OPCML: variants seen among roughly 807,000 people sequenced by gnomAD.
The protein encoded by OPCML is opioid-binding protein/cell adhesion molecule.
A neutral mutation model predicts 37.8 loss-of-function variants in OPCML; 13 were observed. The observed-to-expected ratio is 0.34, with a 90% CI of 0.22 to 0.55. OPCML has a LOEUF of 0.55. Among genes scored for constraint, OPCML ranks in the 20% least tolerant of loss-of-function variants. OPCML has a pLI of 0.91. For synonymous variants in OPCML, 176 were observed against 168.8 expected (o/e 1.04, Z -0.33); for missense variants, 341 against 435.6 (o/e 0.78, Z 1.93).
intron 1 of OPCML, among the ~76,000 whole-genome samples, chr11:132,946,170 G>A (rs1406447913): frequency 6.6e-6 from 1 of 152,160 alleles, no homozygotes; most frequent in Non-Finnish European, 1.5e-5. Flanking sequence ...CAGTATCAGT[G>A]TCTTCTGCCT....
At position 133,146,752 on chromosome 11, in the gene OPCML, C is replaced by T. The variant is rs114102404; in HGVS notation, c.62-203742G>A. Among the ~76,000 whole-genome samples, 1,510 of 152,302 alleles carry T rather than the reference C, an allele frequency of 9.9e-3. 21 individuals are homozygous for T. Among genetic ancestry groups the T allele is most frequent in the African/African-American group, 0.033 (1,356 of 41,562 alleles). On this transcript the variant is annotated intron_variant, in intron 1 of 7. Transcript: ENST00000524381. ...CTGGGATTACAGGCATGAACCACCA[C>T]GCCGGGACCTCTATCTCCTATCCTC... is the stretch of plus-strand genomic sequence containing the variant.
At chr11:133,386,666 T>C (rs4245116) in intron 1 of OPCML, among the ~76,000 whole-genome samples, 74,655 of 152,108 alleles carry the variant, frequency 0.49, 19,092 homozygotes, top group East Asian at 0.74. Context: ...CTCTGCGATG[T>C]CCTCTTTTAA....
At chr11:132,884,919 A>G (rs1943353408) in intron 2 of OPCML, among the ~76,000 whole-genome samples, 1 of 152,216 alleles carries the variant, frequency 6.6e-6, no homozygotes, top group South Asian at 2.1e-4. Flanking sequence ...TAAAAGCCTT[A>G]GTTACATAGA....
At chr11:132,755,086 T>C (rs1441368794) in intron 2 of OPCML, among the ~76,000 whole-genome samples, 3 of 152,206 alleles carry the variant, frequency 2.0e-5, no homozygotes, top group Admixed American at 6.5e-5. Flanking sequence ...CAGTGTAAGA[T>C]TGAACCATAG....
At chr11:132,613,729 A>G (rs1938810158) in intron 3 of OPCML, among the ~76,000 whole-genome samples, 1 of 152,144 alleles carries the variant, frequency 6.6e-6, no homozygotes, top group South Asian at 2.1e-4. Flanking sequence ...ATATTTTTTT[A>G]CTTGAGAAAA....
In OPCML at chr11:133,177,598, C is replaced by T. The variant is rs1290919812; in HGVS notation, c.62-234588G>A. Reference sequence around the variant, plus strand: ...GGAGTGGCAATAAAAAATGTGAATACAACTCCAGTTCTGTACCCGACCCTG... The same window carrying T: ...GGAGTGGCAATAAAAAATGTGAATATAACTCCAGTTCTGTACCCGACCCTG... On this transcript the variant is annotated intron_variant, in intron 1 of 7. Transcript: ENST00000524381. This position sits in a 1 kb window ranked among gnomAD's most constrained non-coding sequence, Gnocchi z 5.0. Among the ~76,000 whole-genome samples the T allele has an allele frequency of 6.6e-6, 1 of 152,160 alleles. No individual in the cohort carries two copies.
At chr11:133,207,287 G>C (rs866597913) in intron 1 of OPCML, among the ~76,000 whole-genome samples, 1 of 152,036 alleles carries the variant, frequency 6.6e-6, no homozygotes, top group Admixed American at 6.5e-5. Flanking sequence ...GCGACAGAGT[G>C]AGACTCCATC....
At chr11:132,481,569 C>T (rs2096180595) in intron 4 of OPCML, among the ~76,000 whole-genome samples, 1 of 151,148 alleles carries the variant, frequency 6.6e-6, no homozygotes, top group African/African-American at 2.4e-5. Context: ...CCAAGTGGAC[C>T]TAATAGACAT....
chr11:132,450,607 T>A (rs1368007386), intron 4 of OPCML, among the ~76,000 whole-genome samples: 1 of 152,062 alleles, frequency 6.6e-6, no homozygotes, highest in East Asian at 1.9e-4. Flanking sequence ...TTATAGAATA[T>A]CGTATCCTGA....
intron 3 of OPCML, among the ~76,000 whole-genome samples, chr11:132,616,172 G>A (rs1323163114): frequency 6.6e-6 from 1 of 152,192 alleles, no homozygotes; most frequent in Non-Finnish European, 1.5e-5. Flanking sequence ...ATGGCTTTCA[G>A]TGTGTTTTAA....
chr11:133,204,250 A>G lies in OPCML; in HGVS notation c.62-261240T>C, dbSNP rs141038117. On this transcript the variant is annotated intron_variant, in intron 1 of 7. Coordinates refer to ENST00000524381, the MANE Select transcript of OPCML (RefSeq NM_001012393.5). ...TGTCAAATTAAAAGAAAACCAATAAACTGGTCATTTGAATTACATGTAAAT... is the reference window on the plus strand; with the variant it reads ...TGTCAAATTAAAAGAAAACCAATAAGCTGGTCATTTGAATTACATGTAAAT... Among the ~76,000 whole-genome samples the G allele has an allele frequency of 5.3e-5, 8 of 152,246 alleles. No individual in the cohort carries two copies. The East Asian group carries it at 1.5e-3, about 29-fold the overall frequency.
In OPCML at chr11:132,682,724, C is replaced by T. The variant is rs947255236; in HGVS notation, c.147-25405G>A. Among the ~76,000 whole-genome samples, 11 of 152,286 alleles carry T rather than the reference C, an allele frequency of 7.2e-5. No individual in the cohort carries two copies. The East Asian group carries it at 1.7e-3, about 24-fold the overall frequency. On this transcript the variant is annotated intron_variant, in intron 2 of 7. Transcript: ENST00000524381. The stretch of plus-strand genomic sequence containing the variant: ...AGGACCGAGACCTGTGTAAAGGACC[C>T]ATCTCAGCCATGAGTAAAAGTTGAT...
intron 1 of OPCML, among the ~76,000 whole-genome samples, chr11:133,204,880 A>ATATATATATATATATATATGTG (rs1938979297): frequency 7.6e-5 from 2 of 26,320 alleles, no homozygotes; most frequent in Non-Finnish European, 1.8e-4. Context: ...ATATATATAT[A>ATATATATATATATATATATGTG]TATATATATA....
At chr11:133,329,111 G>A (rs1305247220) in intron 1 of OPCML, among the ~76,000 whole-genome samples, 44 of 152,092 alleles carry the variant, frequency 2.9e-4, no homozygotes, top group Non-Finnish European at 5.1e-4. Context: ...AAATATCTAG[G>A]AATCCAACTT....
At chr11:132,528,869 A>G (rs1166827031) in intron 4 of OPCML, among the ~76,000 whole-genome samples, 192 bp downstream of exon 4, 5 of 152,236 alleles carry the variant, frequency 3.3e-5, no homozygotes, top group Admixed American at 6.5e-5. Context: ...AATGACTGAC[A>G]CCATCATTTA....
intron 1 of OPCML, among the ~76,000 whole-genome samples, chr11:132,970,575 T>C (rs1391135497): frequency 6.6e-6 from 1 of 152,198 alleles, no homozygotes; most frequent in Non-Finnish European, 1.5e-5. Context: ...TCATGGATCT[T>C]TATAATAAAA....
intron 2 of OPCML, among the ~76,000 whole-genome samples, chr11:132,762,443 G>A (rs936425982): frequency 3.9e-5 from 6 of 152,188 alleles, no homozygotes; most frequent in African/African-American, 9.6e-5. Context: ...TCTGTCCCAG[G>A]GAGATGGGAG....
chr11:133,062,755 C>G (rs1160776779), intron 1 of OPCML, among the ~76,000 whole-genome samples: 1 of 152,222 alleles, frequency 6.6e-6, no homozygotes, highest in Non-Finnish European at 1.5e-5. Flanking sequence ...GGGTTTAGGG[C>G]TGCCTCAGCA....
At chr11:133,055,049 A>G (rs1315291210) in intron 1 of OPCML, among the ~76,000 whole-genome samples, 2 of 151,218 alleles carry the variant, frequency 1.3e-5, no homozygotes, top group African/African-American at 2.4e-5. Flanking sequence ...CTACTGTACA[A>G]TGCTGCCTCC....
Sources: gnomAD v4.1 joint callset for allele counts (sites outside exome capture counted in the v4.1 genomes callset) on GRCh38, gnomAD v4.1.1 for gene constraint, Gnocchi (gnomAD v3.1) non-coding constraint, MANE v1.5 for transcripts, NCBI Gene and HGNC (gene_info 2026-07-23, HGNC 2026-07-21) for gene names.